C7orf57: variants seen among roughly 807,000 people sequenced by gnomAD.
C7orf57 encodes chromosome 7 open reading frame 57.
C7orf57 carries 33 observed loss-of-function variants against 39.0 expected under a neutral mutation model. That is an observed-to-expected ratio of 0.85 (90% confidence interval 0.64 to 1.13). The LOEUF is 1.13. C7orf57 is among the 50% of genes most tolerant of loss of function. The pLI, the probability that C7orf57 is intolerant of heterozygous loss-of-function variation, is 0.00. For synonymous variants in C7orf57, 124 were observed against 137.1 expected, an observed-to-expected ratio of 0.90 and a Z score of 0.67; for missense variants, 346 against 362.3, an observed-to-expected ratio of 0.95 and a Z score of 0.37.
rs1388242992 is a variant in C7orf57, at chr7:48,049,384, A to G, written c.508-496A>G. 5.3e-5 allele frequency among the ~76,000 whole-genome samples: 8 copies of G among 152,240 alleles called. No homozygotes were observed. In the South Asian group the frequency reaches 1.7e-3, roughly 32 times the overall value. ...TTCTCCCATGTGGTGTAATGCATTT[A>G]CATTATGCATCTACATTACATACGC... On this transcript the variant is annotated intron_variant, in intron 5 of 8. Coordinates refer to ENST00000348904, the MANE Select transcript of C7orf57 (RefSeq NM_001100159.3).
At chr7:48,048,831 C>T (rs1434970131) in intron 5 of C7orf57, among the ~76,000 whole-genome samples, 1 of 151,982 alleles carries the variant, frequency 6.6e-6, no homozygotes, top group Non-Finnish European at 1.5e-5. Flanking sequence ...TTGGACAAGC[C>T]TCTCATTCTA....
intron 5 of C7orf57, among the ~76,000 whole-genome samples, chr7:48,048,105 C>G (rs1306074669): frequency 3.9e-5 from 6 of 152,138 alleles, no homozygotes; most frequent in Non-Finnish European, 8.8e-5. Flanking sequence ...GTTCCTGAAG[C>G]CAGCCCTTCA....
chr7:48,051,239 C>T (rs754470475), intron 6 of C7orf57, among the ~76,000 whole-genome samples: 6 of 151,624 alleles, frequency 4.0e-5, no homozygotes, highest in Non-Finnish European at 7.4e-5. Flanking sequence ...TGGAGTGCAG[C>T]GGTACGAACT....
At chr7:48,051,745 T>TTTTCTTTTCTTTCTTTC (rs1562629495) in intron 6 of C7orf57, among the ~76,000 whole-genome samples, 10 of 58,488 alleles carry the variant, frequency 1.7e-4, no homozygotes, top group African/African-American at 5.0e-4. Context: ...TTTTCTTTCT[T>TTTTCTTTTCTTTCTTTC]TTTCTTTTCT....
intron 3 of C7orf57, 45 bp downstream of exon 3, chr7:48,041,564 G>C (rs760678402): frequency 6.2e-6 from 9 of 1,453,468 alleles, no homozygotes; most frequent in Middle Eastern, 1.9e-4. Flanking sequence ...CTCGCGGGCG[G>C]TGAGGGGGGC....
At chr7:48,044,229 C>T (rs1790646282) in intron 4 of C7orf57, among the ~76,000 whole-genome samples, 1 of 151,958 alleles carries the variant, frequency 6.6e-6, no homozygotes, top group African/African-American at 2.4e-5. Flanking sequence ...GGGTCTGCAA[C>T]GGAGGCAATC....
chr7:48,051,836 T>C (rs1562629977), intron 6 of C7orf57, among the ~76,000 whole-genome samples: 73 of 73,478 alleles, frequency 9.9e-4, no homozygotes, highest in Admixed American at 1.2e-3. Flanking sequence ...TCTTTCTTTC[T>C]TTCTTTCTTT....
At chr7:48,040,606 A>G (rs897631358) in intron 2 of C7orf57, among the ~76,000 whole-genome samples, 2 of 152,138 alleles carry the variant, frequency 1.3e-5, no homozygotes, top group Admixed American at 6.5e-5. Context: ...AATGAAAGGG[A>G]CAAGGAGAGA....
At chr7:48,050,009 G>A (rs1272968955) in intron 6 of C7orf57, 32 bp downstream of exon 6, 1 of 1,495,892 alleles carries the variant, frequency 6.7e-7, no homozygotes, top group East Asian at 2.3e-5. Context: ...TCACTGTCTG[G>A]ACTGGGTTTG....
In C7orf57 at chr7:48,035,594, G is replaced by T; in HGVS notation, c.-138G>T. ...CCGTGTAAAAACTCCAACGCCGGGC[G>T]CCGCGGGCAGCACCCACGGAGACCC... On this transcript the variant is annotated 5_prime_UTR_variant, in exon 1 of 9. Transcript: ENST00000348904. The surrounding 1 kb of genome is among the most constrained non-coding windows in gnomAD (Gnocchi z 4.0). The T allele has an allele frequency of 1.4e-6, 1 of 694,680 alleles. No individual in the cohort carries two copies. The highest frequency in any genetic ancestry group is 2.6e-6 in the Non-Finnish European group (1 of 381,568). The allele number at this position is 694,680 out of a possible 1,614,324, so 43.0% of individuals were successfully genotyped here. A position where few individuals can be genotyped will look rare whatever the true frequency, so the allele number is the denominator to read the frequency against.
At chr7:48,057,145 T>C (rs916176355) in intron 8 of C7orf57, among the ~76,000 whole-genome samples, 2 of 142,098 alleles carry the variant, frequency 1.4e-5, no homozygotes, top group African/African-American at 5.0e-5. Context: ...CTAGGATTTA[T>C]TTTCTATTTC....
chr7:48,051,786 CTTTCT>C, intron 6 of C7orf57, among the ~76,000 whole-genome samples: 1 of 65,394 alleles, frequency 1.5e-5, no homozygotes, highest in African/African-American at 5.6e-5. Context: ...TTCTTTCTTT[CTTTCT>C]TTCTTTCCTT....
At position 48,035,898 on chromosome 7, in the gene C7orf57, T is replaced by C. The variant is rs1583794257; in HGVS notation, c.-102+268T>C. Among the ~76,000 whole-genome samples the C allele has an allele frequency of 6.6e-6, 1 of 151,702 alleles. No homozygotes were observed. The highest frequency in any genetic ancestry group is 1.5e-5 in the Non-Finnish European group (1 of 67,892). On this transcript the variant is annotated intron_variant, in intron 1 of 8. Transcript: ENST00000348904. This position sits in a 1 kb window ranked among gnomAD's most constrained non-coding sequence, Gnocchi z 4.0. Reference sequence around the variant, plus strand: ...TGGATACCCGGCGTGACGTGCCCCCTCTGTGTGCCCCGCACGCACGTGTCT... The same window carrying C: ...TGGATACCCGGCGTGACGTGCCCCCCCTGTGTGCCCCGCACGCACGTGTCT...
intron 6 of C7orf57, among the ~76,000 whole-genome samples, chr7:48,051,772 TTCTTTC>T (rs200802568): frequency 2.0e-5 from 2 of 102,552 alleles, no homozygotes; most frequent in East Asian, 4.6e-4. Flanking sequence ...CTTTCTTTCT[TTCTTTC>T]TTTCTTTCTT....
intron 6 of C7orf57, among the ~76,000 whole-genome samples, chr7:48,051,774 C>CTTTCTTTT (rs1554299706): frequency 1.9e-5 from 1 of 51,900 alleles, no homozygotes; most frequent in African/African-American, 5.9e-5. Flanking sequence ...TTCTTTCTTT[C>CTTTCTTTT]TTTCTTTCTT....
rs1790331448 is a variant in C7orf57 at position 48,035,714 on chromosome 7, C to T, written c.-102+84C>T. 3.4e-6 allele frequency: 2 copies of T among 587,436 alleles called. No individual in the cohort carries two copies. Among genetic ancestry groups the T allele is most frequent in the Admixed American group, 5.9e-5 (2 of 33,966 alleles). The allele number at this position is 587,436 out of a possible 1,614,324, so 36.4% of individuals were successfully genotyped here. ...CACTGTGCGGAGCTCGCAGTGCGGG[C>T]AGTGCGCGCCGGGGCTGGAGGGAGG... On this transcript the variant is annotated intron_variant, in intron 1 of 8. Coordinates refer to ENST00000348904, the MANE Select transcript of C7orf57 (RefSeq NM_001100159.3). The surrounding 1 kb of genome is among the most constrained non-coding windows in gnomAD (Gnocchi z 4.0).
At position 48,054,583 on chromosome 7, in the gene C7orf57, TTTTTA is replaced by T; in HGVS notation, c.830-9_830-5del. 1 of 1,547,292 alleles carries T rather than the reference TTTTTA, an allele frequency of 6.5e-7. No individual in the cohort carries two copies. Among genetic ancestry groups the T allele is most frequent in the East Asian group, 2.4e-5 (1 of 40,952 alleles). On this transcript the variant is annotated splice_region_variant and splice_polypyrimidine_tract_variant and intron_variant, in intron 7 of 8. Transcript: ENST00000348904. ...TCATTAACCTGAACAACGAATGTAC[TTTTTA>T]TTACAGAGTCTTCTCAAAGTGAGTA...
chr7:48,054,582 CTT>C lies in C7orf57; in HGVS notation c.830-9_830-8del, dbSNP rs1562632233. The C allele has an allele frequency of 3.2e-6, 5 of 1,546,444 alleles. No individual in the cohort carries two copies. In the South Asian group the frequency reaches 6.0e-5, roughly 18 times the overall value. ...TTCATTAACCTGAACAACGAATGTA[CTT>C]TTTATTACAGAGTCTTCTCAAAGTG... On this transcript the variant is annotated splice_polypyrimidine_tract_variant and intron_variant, in intron 7 of 8. Coordinates refer to ENST00000348904, the MANE Select transcript of C7orf57 (RefSeq NM_001100159.3).
intron 3 of C7orf57, among the ~76,000 whole-genome samples, chr7:48,042,136 T>A (rs752588396): frequency 5.9e-5 from 9 of 152,248 alleles, no homozygotes; most frequent in Admixed American, 1.3e-4. Context: ...GACACTAACC[T>A]TTTTTCCCCT....
Sources: allele counts gnomAD v4.1 joint callset (sites outside exome capture counted in the v4.1 genomes callset), GRCh38; gene constraint gnomAD v4.1.1; non-coding constraint Gnocchi (gnomAD v3.1); transcripts MANE v1.5; gene names NCBI Gene and HGNC (gene_info 2026-07-23, HGNC 2026-07-21).